ITGA1: variants seen among roughly 807,000 people sequenced by gnomAD.
The protein encoded by ITGA1 is integrin subunit alpha 1.
ITGA1 carries 85 observed loss-of-function variants against 145.9 expected under a neutral mutation model. The observed-to-expected ratio is 0.58, with a 90% confidence interval of 0.49 to 0.70. The LOEUF (loss-of-function observed/expected upper bound fraction) is 0.70. Among genes scored for constraint, ITGA1 ranks in the 30% least tolerant of loss-of-function variants. The pLI is 0.00. For synonymous variants in ITGA1, 520 were observed against 495.3 expected (o/e 1.05, Z -0.66); for missense variants, 1,351 against 1,418.7 (o/e 0.95, Z 0.77).
At chr5:52,797,774 T>G (rs1336978048) in intron 1 of ITGA1, among the ~76,000 whole-genome samples, 2 of 152,214 alleles carry the variant, frequency 1.3e-5, no homozygotes, top group East Asian at 3.8e-4. Flanking sequence ...TTCCCCATAG[T>G]TGATTTTCTT....
chr5:52,869,915 T>G (rs550500749), intron 6 of ITGA1, among the ~76,000 whole-genome samples: 1 of 152,346 alleles, frequency 6.6e-6, no homozygotes, highest in South Asian at 2.1e-4. Flanking sequence ...AGGACATATT[T>G]ACCAAGCCAT....
intron 7 of ITGA1, among the ~76,000 whole-genome samples, chr5:52,887,002 C>T (rs1428649819): frequency 2.0e-5 from 3 of 151,974 alleles, no homozygotes; most frequent in Non-Finnish European, 4.4e-5. Context: ...TAGTCTCGAT[C>T]TCTTGACCTC....
chr5:52,917,974 G>A (rs1168467708), intron 15 of ITGA1, among the ~76,000 whole-genome samples: 1 of 152,114 alleles, frequency 6.6e-6, no homozygotes, highest in African/African-American at 2.4e-5. Context: ...CAGAAACCAG[G>A]TAAAAATGTG....
intron 1 of ITGA1, among the ~76,000 whole-genome samples, chr5:52,794,801 C>A (rs1234194865): frequency 2.0e-5 from 3 of 151,942 alleles, no homozygotes; most frequent in Non-Finnish European, 4.4e-5. Context: ...TTTGCACATT[C>A]TCTCTAAATA....
At chr5:52,952,121 C>T (rs1351443894) in intron 28 of ITGA1, among the ~76,000 whole-genome samples, 20 of 149,032 alleles carry the variant, frequency 1.3e-4, no homozygotes, top group Admixed American at 6.8e-4. Context: ...ACCCGGGTGG[C>T]GGAGGTTGCA....
At chr5:52,882,555 A>T (rs922424683) in intron 7 of ITGA1, among the ~76,000 whole-genome samples, 1 of 147,860 alleles carries the variant, frequency 6.8e-6, no homozygotes, top group Admixed American at 6.7e-5. Flanking sequence ...GGATATTATC[A>T]TTTGTAATCC....
At position 52,908,923 on chromosome 5, in the gene ITGA1, TAAC is replaced by T. The variant is rs773968460; in HGVS notation, c.1488_1490del (p.Thr497del). On this transcript the variant is annotated inframe_deletion, in exon 13 of 29. Coordinates refer to ENST00000282588, the MANE Select transcript of ITGA1 (RefSeq NM_181501.2). ...ATTGGTTCCTACTTTGGCAGTATTT[TAAC>T]AACAACTGACATTGACAAGGATTCT... The T allele has an allele frequency of 3.7e-6, 6 of 1,613,860 alleles. No homozygotes were observed. The highest frequency in any genetic ancestry group is 1.1e-5 in the South Asian group (1 of 91,080).
chr5:52,944,203 CCT>C (rs1265413033), intron 26 of ITGA1, among the ~76,000 whole-genome samples: 5 of 152,118 alleles, frequency 3.3e-5, no homozygotes, highest in African/African-American at 4.8e-5. Flanking sequence ...TAGCTGAAGC[CCT>C]GTCTCTACCT....
intron 1 of ITGA1, among the ~76,000 whole-genome samples, chr5:52,793,185 T>C (rs1272731431): frequency 6.6e-6 from 1 of 152,094 alleles, no homozygotes; most frequent in Non-Finnish European, 1.5e-5. Context: ...AACTATCTAA[T>C]TGCCTGTCTT....
Position 52,827,089 on chromosome 5 carries a change from CTTTTT to C in ITGA1, c.62-22260_62-22256del, listed in dbSNP as rs201041439. On this transcript the variant is annotated intron_variant, in intron 1 of 28. Coordinates refer to ENST00000282588, the MANE Select transcript of ITGA1 (RefSeq NM_181501.2). ...TTACCATTATAGATGCCATTAAGAA[CTTTTT>C]TTTTTTTTTTTTTTTGGTTTATGGG... Among the ~76,000 whole-genome samples, 977 of 134,846 alleles carry C rather than the reference CTTTTT, an allele frequency of 7.2e-3. 14 individuals are homozygous for C. The highest frequency in any genetic ancestry group is 0.025 in the African/African-American group (893 of 36,104). The allele number at this position is 134,846 out of a possible 152,430, so 88.5% of individuals were successfully genotyped here. A position where few individuals can be genotyped will look rare whatever the true frequency, so the allele number is the denominator to read the frequency against.
intron 1 of ITGA1, chr5:52,803,394 G>C (rs1396293890): frequency 6.6e-6 from 1 of 152,132 alleles, no homozygotes; most frequent in African/African-American, 2.4e-5. Context: ...TGAAGCCACT[G>C]AGATCCTTAA....
chr5:52,797,610 G>A (rs1015462594), intron 1 of ITGA1, among the ~76,000 whole-genome samples: 1 of 152,086 alleles, frequency 6.6e-6, no homozygotes, highest in South Asian at 2.1e-4. Context: ...ACAGTTGAGG[G>A]GAAGTGACAG....
At chr5:52,788,857 CT>C (rs145683910) in intron 1 of ITGA1, among the ~76,000 whole-genome samples, 12,320 of 151,992 alleles carry the variant, frequency 0.081, 580 homozygotes, top group East Asian at 0.22. Context: ...ATTGAATTTT[CT>C]TGCTGTCTAC....
At chr5:52,870,500 C>T (rs569153649) in intron 6 of ITGA1, among the ~76,000 whole-genome samples, 1 of 152,190 alleles carries the variant, frequency 6.6e-6, no homozygotes, top group Non-Finnish European at 1.5e-5. Flanking sequence ...CTCAGAAAGG[C>T]TTCAGTGGGG....
At chr5:52,928,089 C>T (rs1047973716) in intron 20 of ITGA1, among the ~76,000 whole-genome samples, 6 of 152,118 alleles carry the variant, frequency 3.9e-5, no homozygotes, top group African/African-American at 1.2e-4. Flanking sequence ...GAACTGTGAG[C>T]AATATATTTC....
chr5:52,799,556 A>C (rs780507122), intron 1 of ITGA1, among the ~76,000 whole-genome samples: 1 of 152,216 alleles, frequency 6.6e-6, no homozygotes, highest in Non-Finnish European at 1.5e-5. Flanking sequence ...CAGCGCTTTA[A>C]CATCTGGGTG....
chr5:52,952,108 T>C (rs1303488651), intron 28 of ITGA1, among the ~76,000 whole-genome samples: 1 of 151,206 alleles, frequency 6.6e-6, no homozygotes, highest in Non-Finnish European at 1.5e-5. Context: ...GAGAATCACT[T>C]GAACCCGGGT....
At chr5:52,860,075 T>C (rs920263767) in intron 2 of ITGA1, among the ~76,000 whole-genome samples, 9 of 152,230 alleles carry the variant, frequency 5.9e-5, no homozygotes, top group African/African-American at 2.2e-4. Context: ...AAGTTATTTA[T>C]GTAGGTTCTA....
At chr5:52,815,215 TC>T (rs1748746311) in intron 1 of ITGA1, among the ~76,000 whole-genome samples, 5 of 152,272 alleles carry the variant, frequency 3.3e-5, no homozygotes, top group Admixed American at 3.3e-4. Context: ...GTTTTTACTC[TC>T]CTAAAGTAAA....
Sources: gnomAD v4.1 joint callset for allele counts (sites outside exome capture counted in the v4.1 genomes callset) on GRCh38, gnomAD v4.1.1 for gene constraint, MANE v1.5 for transcripts, NCBI Gene and HGNC (gene_info 2026-07-23, HGNC 2026-07-21) for gene names.